Variants in STT3B observed in about 807,000 individuals in gnomAD.
The protein encoded by STT3B is dolichyl-diphosphooligosaccharide--protein glycosyltransferase subunit STT3B.
In STT3B, 29 loss-of-function variants were observed where a neutral mutation model predicts 96.8. The observed-to-expected ratio is 0.30, with a 90% confidence interval of 0.22 to 0.41. The LOEUF (loss-of-function observed/expected upper bound fraction) is 0.41, where lower values mean the gene tolerates loss of function less well. STT3B is among the 10% of genes least tolerant of loss of function. The probability of loss-of-function intolerance (pLI) is 1.00; values close to 1 mark genes in which losing one functional copy is unlikely to be tolerated. For synonymous variants in STT3B, 367 were observed against 360.0 expected (o/e 1.02, Z -0.22); for missense variants, 640 against 1,022.3 (o/e 0.63, Z 5.10).
intron 7 of STT3B, among the ~76,000 whole-genome samples, chr3:31,617,721 T>C (rs1699338795): frequency 6.6e-6 from 1 of 152,064 alleles, no homozygotes; most frequent in African/African-American, 2.4e-5. Context: ...AATGTGTTTC[T>C]CTGGAAGTGG....
intron 5 of STT3B, among the ~76,000 whole-genome samples, chr3:31,609,163 G>A (rs1699126223): frequency 6.6e-6 from 1 of 152,048 alleles, no homozygotes; most frequent in Non-Finnish European, 1.5e-5. Flanking sequence ...CGTTTTTAGT[G>A]GCAACATGAC....
Position 31,633,058 on chromosome 3 carries a change from A to G in STT3B, c.2311A>G (p.Lys771Glu). The change falls in exon 15 of 16, where the codon AAA becomes GAA. Residue 771 changes from lysine (K) to glutamate (E), a missense_variant. Lys to Glu is a moderately conservative substitution (Grantham distance 56). Coordinates refer to ENST00000295770, the MANE Select transcript of STT3B (RefSeq NM_178862.3). ...AGAACACTGGCTTGTTAGGATATAT[A>G]AAGTAAAAGCACCTGATAACAGGGA... ...TSEHWLVRIY[K>E]VKAPDNRETL... 6.2e-7 allele frequency: 1 copy of G among 1,614,166 alleles called. No homozygotes were observed. The highest frequency in any genetic ancestry group is 8.5e-7 in the Non-Finnish European group (1 of 1,179,992).
chr3:31,622,845 C>T (rs1192146722), intron 10 of STT3B, among the ~76,000 whole-genome samples: 1 of 152,174 alleles, frequency 6.6e-6, no homozygotes, highest in Non-Finnish European at 1.5e-5. Context: ...TATAGTTTCT[C>T]AGTTGGTGCA....
chr3:31,581,639 A>T (rs1698386760), intron 3 of STT3B, among the ~76,000 whole-genome samples: 1 of 152,078 alleles, frequency 6.6e-6, no homozygotes. Flanking sequence ...TCATAAGGTG[A>T]TATTGGTTTA....
rs187030838 is a variant in STT3B at position 31,541,799 on chromosome 3, A to G, written c.314+8487A>G. On this transcript the variant is annotated intron_variant, in intron 1 of 15. Coordinates refer to ENST00000295770, the MANE Select transcript of STT3B (RefSeq NM_178862.3). Reference sequence around the variant, plus strand: ...CACCGTGTTAGCCAGGATGGTCTCGAACTCCTGACCTCGTGATGCACCCTC... The same window carrying G: ...CACCGTGTTAGCCAGGATGGTCTCGGACTCCTGACCTCGTGATGCACCCTC... Among the ~76,000 whole-genome samples the G allele has an allele frequency of 7.2e-5, 11 of 152,096 alleles. No individual in the cohort carries two copies. In the South Asian group the frequency reaches 1.7e-3, roughly 23 times the overall value.
intron 5 of STT3B, among the ~76,000 whole-genome samples, chr3:31,601,276 A>G (rs531748448): frequency 6.6e-6 from 1 of 152,340 alleles, no homozygotes; most frequent in African/African-American, 2.4e-5. Context: ...TTTATTGTGC[A>G]TAATGGCCAA....
At chr3:31,589,605 G>A (rs1698620340) in intron 3 of STT3B, among the ~76,000 whole-genome samples, 1 of 151,844 alleles carries the variant, frequency 6.6e-6, no homozygotes. Flanking sequence ...CATAAACATA[G>A]ATCTAGTTGT....
intron 1 of STT3B, among the ~76,000 whole-genome samples, chr3:31,564,721 G>A (rs1224740012): frequency 6.6e-6 from 1 of 152,158 alleles, no homozygotes; most frequent in Non-Finnish European, 1.5e-5. Flanking sequence ...ATTGGAAAAG[G>A]TAGAATGCAA....
chr3:31,549,088 T>C (rs1697487115), intron 1 of STT3B, among the ~76,000 whole-genome samples: 2 of 152,088 alleles, frequency 1.3e-5, no homozygotes, highest in Admixed American at 1.3e-4. Flanking sequence ...AAAAGACTGA[T>C]GTAGATGTTT....
intron 1 of STT3B, among the ~76,000 whole-genome samples, chr3:31,573,238 T>A (rs1398857564): frequency 1.3e-5 from 2 of 152,004 alleles, no homozygotes; most frequent in East Asian, 1.9e-4. Context: ...GAAGTGGAGG[T>A]TTTTCTGCTT....
In STT3B at chr3:31,622,184, C is replaced by G; in HGVS notation, c.1415C>G (p.Ser472Cys). Residue 472 changes from serine to cysteine, a missense_variant, in exon 10 of 16, where the codon TCT becomes TGT. Transcript: ENST00000295770. ...LTLTPVVCMLSAIAFSNVFEH... is the reference protein window; with the variant it reads ...LTLTPVVCMLCAIAFSNVFEH... ...TTGACTCCAGTCGTGTGTATGCTGT[C>G]TGCAATTGCCTTTTCAAATGTTTTT... is the stretch of plus-strand genomic sequence containing the variant. 1 of 1,614,094 alleles carries G rather than the reference C, an allele frequency of 6.2e-7. No individual in the cohort carries two copies. Among genetic ancestry groups the G allele is most frequent in the Non-Finnish European group, 8.5e-7 (1 of 1,179,964 alleles).
intron 1 of STT3B, among the ~76,000 whole-genome samples, chr3:31,568,195 C>A (rs530573168): frequency 1.3e-5 from 2 of 152,154 alleles, no homozygotes; most frequent in Admixed American, 6.5e-5. Context: ...GAGTCTCATT[C>A]TTTTCTTTAT....
Position 31,617,524 on chromosome 3 carries a change from T to C in STT3B, c.1124-416T>C, listed in dbSNP as rs1284629619. 2.6e-5 allele frequency among the ~76,000 whole-genome samples: 4 copies of C among 152,034 alleles called. No homozygotes were observed. The East Asian group carries it at 7.7e-4, about 29-fold the overall frequency. On this transcript the variant is annotated intron_variant, in intron 7 of 15. Coordinates refer to ENST00000295770, the MANE Select transcript of STT3B (RefSeq NM_178862.3). ...CAAATTAATGTAAAAGCCGTGAGTG[T>C]TTAAAATCATCTTTGAATTTATCTG... is the stretch of plus-strand genomic sequence containing the variant.
chr3:31,605,820 G>A (rs1699038941), intron 5 of STT3B, among the ~76,000 whole-genome samples: 1 of 152,168 alleles, frequency 6.6e-6, no homozygotes, highest in African/African-American at 2.4e-5. Context: ...GATAGATATT[G>A]GAACAGTTAA....
intron 3 of STT3B, among the ~76,000 whole-genome samples, chr3:31,593,223 C>A (rs181153774): frequency 2.0e-5 from 3 of 152,304 alleles, no homozygotes; most frequent in South Asian, 2.1e-4. Flanking sequence ...TGATACTTTG[C>A]TCTTTCATTG....
chr3:31,538,961 A>G (rs978270432), intron 1 of STT3B, among the ~76,000 whole-genome samples: 21 of 152,080 alleles, frequency 1.4e-4, no homozygotes, highest in African/African-American at 5.1e-4. Context: ...TTAAAGTCGA[A>G]TATATTAGGA....
At position 31,532,927 on chromosome 3, in the gene STT3B, C is replaced by A; in HGVS notation, c.-72C>A. 6.7e-7 allele frequency: 1 copy of A among 1,493,758 alleles called. No homozygotes were observed. The highest frequency in any genetic ancestry group is 1.3e-5 in the South Asian group (1 of 78,012). The allele number at this position is 1,493,758 out of a possible 1,614,324, so 92.5% of individuals were successfully genotyped here. On this transcript the variant is annotated 5_prime_UTR_variant, in exon 1 of 16. Transcript: ENST00000295770. ...TCCTCCTCCTCCTCCTCCTCCGGGT[C>A]CCCGCCCAGCACCCCTCGCACCAGG...
chr3:31,537,613 C>T, intron 1 of STT3B, among the ~76,000 whole-genome samples: 1 of 152,110 alleles, frequency 6.6e-6, no homozygotes, highest in East Asian at 1.9e-4. Context: ...GGGACTTTTC[C>T]TTCCCCCTTT....
At position 31,623,851 on chromosome 3, in the gene STT3B, A is replaced by G; in HGVS notation, c.1717A>G (p.Asn573Asp). 6.3e-7 allele frequency: 1 copy of G among 1,594,868 alleles called. No individual in the cohort carries two copies. Among genetic ancestry groups the G allele is most frequent in the Non-Finnish European group, 8.6e-7 (1 of 1,168,660 alleles). The change falls in exon 11 of 16, where the codon AAT (asparagine) becomes GAT (aspartate). Residue 573 changes from asparagine (N) to aspartate (D), a missense_variant. Around this residue, in one of 8 missense-constraint regions of STT3B, gnomAD observed 149 missense variants for 250.2 expected, o/e 0.60. Coordinates refer to ENST00000295770, the MANE Select transcript of STT3B (RefSeq NM_178862.3). ...TCCAAGTGTAGTCCTGGCCTCATAC[A>G]ATCATGATGGGTAAGAAAATAACTC... is the stretch of plus-strand genomic sequence containing the variant. ...SSPSVVLASYNHDGTRNILDD... is the reference protein window; with the variant it reads ...SSPSVVLASYDHDGTRNILDD...
Sources: allele counts gnomAD v4.1 joint callset (sites outside exome capture counted in the v4.1 genomes callset), GRCh38; gene constraint gnomAD v4.1.1; regional missense constraint gnomAD v4.1.1; transcripts MANE v1.5; gene names NCBI Gene and HGNC (gene_info 2026-07-23, HGNC 2026-07-21).